The following VRK2 variants were observed in gnomAD, a reference collection of about 807,000 sequenced individuals.
VRK2 encodes the protein VRK serine/threonine kinase 2, also known as serine/threonine-protein kinase VRK2.
VRK2 carries 60 observed loss-of-function variants against 57.6 expected under a neutral mutation model. The observed-to-expected ratio is 1.04, with a 90% CI of 0.85 to 1.29. The LOEUF is 1.29. VRK2 is among the 50% of genes most tolerant of loss of function. The probability of loss-of-function intolerance (pLI) is 0.00; values close to 1 mark genes in which losing one functional copy is unlikely to be tolerated. For synonymous variants in VRK2, 231 were observed against 199.2 expected (o/e 1.16, Z -1.35); for missense variants, 705 against 588.1 (o/e 1.20, Z -2.06).
chr2:58,095,826 T>C (rs989849350), intron 7 of VRK2, among the ~76,000 whole-genome samples: 1 of 152,170 alleles, frequency 6.6e-6, no homozygotes, highest in African/African-American at 2.4e-5. Flanking sequence ...TTTACTCTTC[T>C]TAATCTTATT....
At chr2:58,046,760 G>A, upstream of VRK2, 2 of 985,526 alleles carry the variant, frequency 2.0e-6, no homozygotes, top group Non-Finnish European at 2.4e-6. Flanking sequence ...GCAGGCTCGA[G>A]TGCTGGGCCC....
chr2:57,992,357 G>A (rs559878584), intron 1 of VRK2, among the ~76,000 whole-genome samples: 4 of 152,294 alleles, frequency 2.6e-5, no homozygotes, highest in East Asian at 3.9e-4. Context: ...ATGGAGAAAT[G>A]AGCATTAAAG....
intron 1 of VRK2, among the ~76,000 whole-genome samples, chr2:58,010,960 A>G (rs1673400131): frequency 6.6e-6 from 1 of 152,208 alleles, no homozygotes; most frequent in African/African-American, 2.4e-5. Context: ...ACTTTTTAGT[A>G]CAACTGTGAC....
At chr2:57,913,571 C>G (rs1670056985) in intron 1 of VRK2, among the ~76,000 whole-genome samples, 1 of 152,226 alleles carries the variant, frequency 6.6e-6, no homozygotes, top group African/African-American at 2.4e-5. Context: ...ATCTCCCTGA[C>G]TTTAAATTTT....
intron 7 of VRK2, among the ~76,000 whole-genome samples, chr2:58,098,988 T>A (rs1034803311): frequency 3.3e-5 from 5 of 152,110 alleles, no homozygotes; most frequent in Non-Finnish European, 7.4e-5. Context: ...GAAACCTTGC[T>A]GATTTTGGAA....
intron 1 of VRK2, among the ~76,000 whole-genome samples, chr2:58,007,375 G>T (rs1402626093): frequency 6.6e-6 from 1 of 151,756 alleles, no homozygotes; most frequent in Non-Finnish European, 1.5e-5. Context: ...GACTCAAGCT[G>T]CATAGGTCCA....
intron 1 of VRK2, among the ~76,000 whole-genome samples, chr2:57,964,411 G>A (rs1046367918): frequency 6.6e-5 from 10 of 152,174 alleles, no homozygotes; most frequent in Non-Finnish European, 1.3e-4. Context: ...AGGAAGAGGA[G>A]GAGTTGGTCT....
intron 1 of VRK2, among the ~76,000 whole-genome samples, chr2:58,008,654 T>A (rs933722421): frequency 2.0e-5 from 3 of 151,590 alleles, no homozygotes; most frequent in Non-Finnish European, 4.4e-5. Context: ...GCAGAAGGAA[T>A]AAAATATAAA....
intron 2 of VRK2, among the ~76,000 whole-genome samples, chr2:58,071,739 T>C (rs1669387678): frequency 6.6e-6 from 1 of 152,080 alleles, no homozygotes; most frequent in South Asian, 2.1e-4. Flanking sequence ...TCTGACTTTG[T>C]TCTTCAGTAT....
At chr2:58,014,291 T>C (rs1389439803) in intron 1 of VRK2, among the ~76,000 whole-genome samples, 11 of 152,248 alleles carry the variant, frequency 7.2e-5, no homozygotes, top group Admixed American at 3.9e-4. Context: ...AAATTATCAA[T>C]ACTGTATGGT....
chr2:58,141,065 T>A (rs558400348), intron 11 of VRK2, among the ~76,000 whole-genome samples: 307 of 152,040 alleles, frequency 2.0e-3, no homozygotes, highest in Non-Finnish European at 4.0e-3. Context: ...AGAACAAGAG[T>A]TCATGTTTAA....
chr2:58,084,100 A>G lies in VRK2; in HGVS notation c.148A>G (p.Asn50Asp), dbSNP rs34130684. 7.0e-4 allele frequency: 1,129 copies of G among 1,606,390 alleles called. 8 individuals carry two copies. In the African/African-American group the frequency reaches 0.012, roughly 16 times the overall value. The part of the protein sequence containing the change: ...FGLIYLAFPT[N>D]KPEKDARHVV... ...TTTTTTGTCTGCAGCTTTCCCCACA[A>G]ATAAACCAGAGAAAGATGCAAGACA... The change falls in exon 3 of 13, where the codon AAT becomes GAT. Residue 50 changes from asparagine (N) to aspartate (D), a missense_variant. Physicochemically the swap from Asn to Asp is conservative, Grantham distance 23. Coordinates refer to ENST00000340157, the MANE Select transcript of VRK2 (RefSeq NM_006296.7).
chr2:57,979,194 C>T (rs949220937), intron 1 of VRK2, among the ~76,000 whole-genome samples: 4 of 150,944 alleles, frequency 2.6e-5, no homozygotes, highest in African/African-American at 7.4e-5. Context: ...AATGGGATTG[C>T]TGGGTCAAAT....
intron 12 of VRK2, among the ~76,000 whole-genome samples, chr2:58,156,528 A>AT (rs1328660553): frequency 6.6e-6 from 1 of 152,018 alleles, no homozygotes; most frequent in Admixed American, 6.5e-5. Context: ...CTAAATAACT[A>AT]TTTTTTTAAA....
chr2:57,926,399 C>T (rs1344336970), intron 1 of VRK2, among the ~76,000 whole-genome samples: 2 of 148,934 alleles, frequency 1.3e-5, no homozygotes, highest in Non-Finnish European at 3.0e-5. Flanking sequence ...TTTGGGTCCT[C>T]CAGTGTCCTC....
chr2:58,003,735 A>G (rs992823093), intron 1 of VRK2, among the ~76,000 whole-genome samples: 9 of 152,074 alleles, frequency 5.9e-5, no homozygotes, highest in African/African-American at 1.7e-4. Context: ...ATCATATACC[A>G]TGGTGTCTTG....
At chr2:58,042,260 T>A (rs899446524), upstream of VRK2, among the ~76,000 whole-genome samples, 3 of 152,224 alleles carry the variant, frequency 2.0e-5, no homozygotes, top group Non-Finnish European at 1.5e-5. Flanking sequence ...AATGATCTTA[T>A]ATGTAAAGAA....
Position 58,052,578 on chromosome 2 carries a change from A to G in VRK2, c.136+3611A>G, listed in dbSNP as rs1443224503. Among the ~76,000 whole-genome samples, 10 of 146,498 alleles carry G rather than the reference A, an allele frequency of 6.8e-5. No homozygotes were observed. The Admixed American group carries it at 6.8e-4, about 10-fold the overall frequency. On this transcript the variant is annotated intron_variant, in intron 2 of 12. Transcript: ENST00000340157. ...AGATTGCACCACTGCATTCTAGCTT[A>G]GGTGACGGAGTGAGACTGTCTCAAA...
chr2:58,028,901 T>TG (rs1674023324), intron 2 of VRK2, among the ~76,000 whole-genome samples: 1 of 36,216 alleles, frequency 2.8e-5, no homozygotes, highest in Non-Finnish European at 5.3e-5. Flanking sequence ...AATAAATAAA[T>TG]AAATATATAT....
Sources: allele counts gnomAD v4.1 joint callset (sites outside exome capture counted in the v4.1 genomes callset), GRCh38; gene constraint gnomAD v4.1.1; transcripts MANE v1.5; gene names NCBI Gene and HGNC (gene_info 2026-07-23, HGNC 2026-07-21).